BROX: variants seen among roughly 807,000 people sequenced by gnomAD.
BROX encodes BRO1 domain-containing protein BROX.
In BROX, 53 loss-of-function variants were observed where a neutral mutation model predicts 61.0. The observed-to-expected ratio is 0.87, with a 90% CI of 0.70 to 1.09. The LOEUF is 1.09. BROX is among the 50% of genes least tolerant of loss of function. The pLI, the probability that BROX is intolerant of heterozygous loss-of-function variation, is 0.00. For synonymous variants in BROX, 152 were observed against 160.2 expected (o/e 0.95, Z 0.38); for missense variants, 489 against 472.0 (o/e 1.04, Z -0.33).
chr1:222,714,013 C>T (rs568517258), intron 1 of BROX: 2 of 152,258 alleles, frequency 1.3e-5, no homozygotes, highest in African/African-American at 4.8e-5. Context: ...ATACACTGTA[C>T]AGCCACCATT....
intron 9 of BROX, 42 bp downstream of exon 9, chr1:222,728,870 C>G: frequency 7.0e-7 from 1 of 1,434,920 alleles, no homozygotes; most frequent in Non-Finnish European, 9.6e-7. Context: ...ATTATTGTTT[C>G]TCCAGCCCTT....
chr1:222,719,871 T>C (rs1162543374), intron 4 of BROX, among the ~76,000 whole-genome samples: 1 of 152,228 alleles, frequency 6.6e-6, no homozygotes, highest in African/African-American at 2.4e-5. Context: ...TATCACTCAC[T>C]TGAAACTATT....
Position 222,730,194 on chromosome 1 carries a change from ATTAC to A in BROX, c.989+20_989+23del. 1 of 1,468,230 alleles carries A rather than the reference ATTAC, an allele frequency of 6.8e-7. No homozygotes were observed. Among genetic ancestry groups the A allele is most frequent in the Admixed American group, 2.0e-5 (1 of 49,622 alleles). 91.0% of individuals were successfully genotyped at this position (1,468,230 alleles called of 1,614,324 possible). A position where few individuals can be genotyped will look rare whatever the true frequency, so the allele number is the denominator to read the frequency against. ...TGGATTTATGTGAGTACAGTTTAAT[ATTAC>A]TTTAGTAATAATATTATGTTGATTT... On this transcript the variant is annotated intron_variant, in intron 11 of 12. Coordinates refer to ENST00000340934, the MANE Select transcript of BROX (RefSeq NM_144695.4).
At chr1:222,715,875 C>T (rs1030834336) in intron 2 of BROX, 75 bp downstream of exon 2, 2 of 730,190 alleles carry the variant, frequency 2.7e-6, no homozygotes, top group Middle Eastern at 2.5e-4. Context: ...AAATATGTAA[C>T]ACACTGTTTC....
chr1:222,715,795 A>T lies in BROX; in HGVS notation c.96A>T (p.Ile32=), dbSNP rs746709099. The change falls in exon 2 of 13, where the codon ATA becomes ATT. Residue 32 remains isoleucine (I), a synonymous_variant. Coordinates refer to ENST00000340934, the MANE Select transcript of BROX (RefSeq NM_144695.4). ...TCACTGGCCCTTCTGCTTCAAAAAT[A>T]TGCAAGTAAGTTTATTGATTGAACC... ...GVVTGPSASK[I]CNDLRSSRAR... 6.3e-7 allele frequency: 1 copy of T among 1,582,020 alleles called. No individual in the cohort carries two copies. Among genetic ancestry groups the T allele is most frequent in the Admixed American group, 1.7e-5 (1 of 57,420 alleles).
rs1657712222 is a variant in BROX, at chr1:222,728,805, A to C, written c.733A>C (p.Lys245Gln). Residue 245 changes from lysine (K) to glutamine (Q), a missense_variant, in exon 9 of 13, where the codon AAG (lysine) becomes CAG (glutamine). Coordinates refer to ENST00000340934, the MANE Select transcript of BROX (RefSeq NM_144695.4). ...CAAATGGAGAAAATATCTTCACTTGAAGATGTGTTTCTACACAGCTTATGT... is the reference window on the plus strand; with the variant it reads ...CAAATGGAGAAAATATCTTCACTTGCAGATGTGTTTCTACACAGCTTATGT... ...SAKWRKYLHL[K>Q]MCFYTAYAYC... 1 of 1,602,306 alleles carries C rather than the reference A, an allele frequency of 6.2e-7. No individual in the cohort carries two copies. The highest frequency in any genetic ancestry group is 8.5e-7 in the Non-Finnish European group (1 of 1,171,122).
In BROX at chr1:222,719,237, C is replaced by T. The variant is rs1224053026; in HGVS notation, c.209-26C>T. ...AATATTTCTTCTAATTCTTCTAAAA[C>T]TAAAATGTCTTGTACTTTTCTATAG... On this transcript the variant is annotated intron_variant, in intron 3 of 12. Coordinates refer to ENST00000340934, the MANE Select transcript of BROX (RefSeq NM_144695.4). 3.3e-6 allele frequency: 5 copies of T among 1,503,178 alleles called. No homozygotes were observed. In the Admixed American group the frequency reaches 8.8e-5, roughly 27 times the overall value. 93.1% of individuals were successfully genotyped at this position (1,503,178 alleles called of 1,614,324 possible). A position where few individuals can be genotyped will look rare whatever the true frequency, so the allele number is the denominator to read the frequency against.
Position 222,719,259 on chromosome 1 carries a change from A to T in BROX, c.209-4A>T. ...AAACTAAAATGTCTTGTACTTTTCT[A>T]TAGGTTTCATAAATTCTTTGGATGA... On this transcript the variant is annotated splice_polypyrimidine_tract_variant and splice_region_variant and intron_variant, in intron 3 of 12. Coordinates refer to ENST00000340934, the MANE Select transcript of BROX (RefSeq NM_144695.4). 1 of 1,563,070 alleles carries T rather than the reference A, an allele frequency of 6.4e-7. No homozygotes were observed. The highest frequency in any genetic ancestry group is 8.8e-7 in the Non-Finnish European group (1 of 1,134,764).
At chr1:222,729,539 T>A in intron 9 of BROX, 81 bp from the exon 10 acceptor site, 1 of 1,073,088 alleles carries the variant, frequency 9.3e-7, no homozygotes, top group Non-Finnish European at 1.4e-6. Flanking sequence ...AAGGTACTAA[T>A]TTATCTGATA....
At position 222,719,441 on chromosome 1, in the gene BROX, T is replaced by C. The variant is rs1215018236; in HGVS notation, c.305+82T>C. The C allele has an allele frequency of 2.0e-5, 20 of 983,364 alleles. No individual in the cohort carries two copies. In the East Asian group the frequency reaches 4.9e-4, roughly 24 times the overall value. 60.9% of individuals were successfully genotyped at this position (983,364 alleles called of 1,614,324 possible). On this transcript the variant is annotated intron_variant, in intron 4 of 12. Coordinates refer to ENST00000340934, the MANE Select transcript of BROX (RefSeq NM_144695.4). Reference sequence around the variant, plus strand: ...GTGGTTAACTCATAGCCTTTGTATTTGGAGAAGAAAAATACAGGTCTGCTC... The same window carrying C: ...GTGGTTAACTCATAGCCTTTGTATTCGGAGAAGAAAAATACAGGTCTGCTC...
intron 12 of BROX, among the ~76,000 whole-genome samples, chr1:222,731,920 T>C (rs1657966950): frequency 6.6e-6 from 1 of 152,228 alleles, no homozygotes; most frequent in Admixed American, 6.5e-5. Flanking sequence ...ATAAGAGTGC[T>C]TTTATTTATT....
intron 4 of BROX, 69 bp downstream of exon 4, chr1:222,719,428 T>C: frequency 9.4e-7 from 1 of 1,063,520 alleles, no homozygotes; most frequent in Admixed American, 2.0e-5. Flanking sequence ...GGTTAACTCA[T>C]AGCCTTTGTA....
chr1:222,726,934 T>C (rs1383696142), intron 7 of BROX, among the ~76,000 whole-genome samples: 1 of 152,212 alleles, frequency 6.6e-6, no homozygotes, highest in Non-Finnish European at 1.5e-5. Flanking sequence ...AGTGATTCTC[T>C]ATGATTAGCT....
At chr1:222,729,763 G>A in intron 10 of BROX, 62 bp downstream of exon 10, 1 of 1,473,378 alleles carries the variant, frequency 6.8e-7, no homozygotes, top group African/African-American at 1.4e-5. Flanking sequence ...ATCATAAAAG[G>A]GAATATATGC....
chr1:222,728,113 G>C (rs896367727), intron 8 of BROX, among the ~76,000 whole-genome samples: 6 of 152,228 alleles, frequency 3.9e-5, no homozygotes, highest in African/African-American at 1.4e-4. Flanking sequence ...TGACTTGATT[G>C]GATTTGAATT....
rs369104334 is a variant in BROX, at chr1:222,719,281, A to G, written c.227A>G (p.Asp76Gly). 10 of 1,594,076 alleles carry G rather than the reference A, an allele frequency of 6.3e-6. No homozygotes were observed. Among genetic ancestry groups the G allele is most frequent in the Non-Finnish European group, 8.6e-6 (10 of 1,162,212 alleles). ...SLLQGFINSL[D>G]ESTQESKLRY... ...TCTATAGGTTTCATAAATTCTTTGGATGAATCTACCCAAGAAAGCAAGTTA... is the reference window on the plus strand; with the variant it reads ...TCTATAGGTTTCATAAATTCTTTGGGTGAATCTACCCAAGAAAGCAAGTTA... The change falls in exon 4 of 13, where the codon GAT becomes GGT. Residue 76 changes from aspartate (D) to glycine (G), a missense_variant. Transcript: ENST00000340934.
intron 2 of BROX, chr1:222,718,243 G>T (rs1006182546): frequency 6.6e-6 from 1 of 152,136 alleles, no homozygotes; most frequent in Admixed American, 6.6e-5. Context: ...GGAATCAAAG[G>T]AGAAAATAAT....
At position 222,724,111 on chromosome 1, in the gene BROX, AAAG is replaced by A. The variant is rs748358947; in HGVS notation, c.425_427del (p.Glu142del). On this transcript the variant is annotated inframe_deletion, in exon 6 of 13. Coordinates refer to ENST00000340934, the MANE Select transcript of BROX (RefSeq NM_144695.4). Reference sequence around the variant, plus strand: ...TTTAAGTATAACAGAAGATGAAGCAAAAGAAGTTCATCGAAGCCTAAAGATTGC... The same window carrying A: ...TTTAAGTATAACAGAAGATGAAGCAAAAGTTCATCGAAGCCTAAAGATTGC... 8.7e-6 allele frequency: 14 copies of A among 1,611,018 alleles called. No homozygotes were observed. In the South Asian group the frequency reaches 1.3e-4, roughly 15 times the overall value.
intron 2 of BROX, 121 bp from the exon 3 acceptor site, chr1:222,718,804 A>T: frequency 1.4e-6 from 1 of 734,858 alleles, no homozygotes; most frequent in Non-Finnish European, 2.4e-6. Context: ...TTACATTGAA[A>T]CCTGGTGCGT....
Sources: allele counts gnomAD v4.1 joint callset (sites outside exome capture counted in the v4.1 genomes callset), GRCh38; gene constraint gnomAD v4.1.1; transcripts MANE v1.5; gene names NCBI Gene and HGNC (gene_info 2026-07-23, HGNC 2026-07-21).